WDR87: variants seen among roughly 807,000 people sequenced by gnomAD.
WDR87 encodes WD repeat domain 87.
In WDR87, 56 loss-of-function variants were observed where a neutral mutation model predicts 83.3. The observed-to-expected ratio is 0.67, with a 90% CI of 0.54 to 0.84. WDR87 has a LOEUF of 0.84. Among genes scored for constraint, WDR87 ranks in the 40% least tolerant of loss-of-function variants. The pLI is 0.00. For missense variants in WDR87, 2,939 were observed against 3,431.9 expected (o/e 0.86, Z 3.59); for synonymous variants, 1,173 against 1,250.6 (o/e 0.94, Z 1.31).
intron 5 of WDR87, 126 bp from the exon 6 acceptor site, chr19:37,890,402 T>G: frequency 1.7e-6 from 2 of 1,176,090 alleles, no homozygotes; most frequent in South Asian, 4.9e-5. Flanking sequence ...AACTGAGGCC[T>G]TAAAAAAAAA....
chr19:37,887,594 C>A lies in WDR87; in HGVS notation c.6077G>T (p.Gly2026Val), dbSNP rs1248898816. Residue 2026 changes from glycine (G) to valine (V), a missense_variant, in exon 6 of 6, where the codon GGA becomes GTA. Coordinates refer to ENST00000447313, the MANE Select transcript of WDR87 (RefSeq NM_001291088.2). ...TTGTCTAGAAGTTTCTGGAGTCTCT[C>A]CCTTAGACAGTGTTTCTTTTCCCTC... is the stretch of plus-strand genomic sequence containing the variant. ...LVEGKETLSK[G>V]ETPETSRQRK... 1.7e-5 allele frequency: 26 copies of A among 1,551,838 alleles called. No individual in the cohort carries two copies. The highest frequency in any genetic ancestry group is 2.2e-5 in the Non-Finnish European group (25 of 1,147,058).
intron 1 of WDR87, among the ~76,000 whole-genome samples, chr19:37,905,959 A>G (rs566463802): frequency 6.6e-6 from 1 of 152,142 alleles, no homozygotes; most frequent in East Asian, 1.9e-4. Flanking sequence ...TAATCACCCA[A>G]CCTGACATGG....
intron 3 of WDR87, 129 bp from the exon 4 acceptor site, chr19:37,895,585 T>C: frequency 1.3e-6 from 1 of 761,014 alleles, no homozygotes; most frequent in Non-Finnish European, 2.1e-6. Flanking sequence ...CTGGCCAACA[T>C]GGTGAAACCC....
rs1404693881 is a variant in WDR87 at position 37,892,852 on chromosome 19, A to T, written c.2851T>A (p.Tyr951Asn). ...VGALGQIFASYQVSPALRSET... is the reference protein window; with the variant it reads ...VGALGQIFASNQVSPALRSET... ...GAGCGTAGGGCTGGGGACACCTGGT[A>T]AGAGGCAAAGATTTGCCCTAGTGCA... Residue 951 changes from tyrosine (Y) to asparagine (N), a missense_variant, in exon 4 of 6, where the codon TAC (tyrosine) becomes AAC (asparagine). Physicochemically the swap from Tyr to Asn is moderately radical, Grantham distance 143. Transcript: ENST00000447313. 6.4e-7 allele frequency: 1 copy of T among 1,551,766 alleles called. No homozygotes were observed. Among genetic ancestry groups the T allele is most frequent in the Non-Finnish European group, 8.7e-7 (1 of 1,147,044 alleles).
Position 37,894,041 on chromosome 19 carries a change from A to G in WDR87, c.1662T>C (p.Ile554=), listed in dbSNP as rs1186929778. The G allele has an allele frequency of 1.3e-6, 2 of 1,551,848 alleles. No homozygotes were observed. The highest frequency in any genetic ancestry group is 3.9e-5 in the Admixed American group (2 of 50,984). The change falls in exon 4 of 6, where the codon ATT becomes ATC. Residue 554 remains isoleucine (I), a synonymous_variant. Coordinates refer to ENST00000447313, the MANE Select transcript of WDR87 (RefSeq NM_001291088.2). ...VKVQLRPLAS[I]LSSCHLTHLI... is the part of the protein sequence containing the mutation. ...GATGTGTTAGGTGACAGCTGCTGAG[A>G]ATGCTGGCGAGAGGCCGCAGTTGTA...
intron 5 of WDR87, among the ~76,000 whole-genome samples, 180 bp downstream of exon 5, chr19:37,891,372 C>T (rs892255542): frequency 1.3e-5 from 2 of 152,040 alleles, no homozygotes; most frequent in Non-Finnish European, 2.9e-5. Context: ...CCATGTTGGC[C>T]GGGCTGGTCT....
rs2046245770 is a variant in WDR87, at chr19:37,895,347, T to G, written c.356A>C (p.His119Pro). The change falls in exon 4 of 6, where the codon CAT (histidine) becomes CCT (proline). Residue 119 changes from histidine to proline, a missense_variant. His to Pro is a moderately conservative substitution (Grantham distance 77). Transcript: ENST00000447313. ...GTCACCACAGTAGACCACGAGGATA[T>G]GAAAGGAGCCTGCATGGACCATGGA... Reference protein sequence around the residue: ...IQSMVHAGSFHILVVYCGDLI... With the variant: ...IQSMVHAGSFPILVVYCGDLI... 6.4e-7 allele frequency: 1 copy of G among 1,551,646 alleles called. No homozygotes were observed. The highest frequency in any genetic ancestry group is 1.4e-5 in the African/African-American group (1 of 73,136).
chr19:37,894,895 G>A lies in WDR87; in HGVS notation c.808C>T (p.Leu270Phe). 7 of 1,551,736 alleles carry A rather than the reference G, an allele frequency of 4.5e-6. No homozygotes were observed. Among genetic ancestry groups the A allele is most frequent in the South Asian group, 1.2e-5 (1 of 84,066 alleles). Reference sequence around the variant, plus strand: ...CTGTGGAGTGGATGGCCCTGCTGGAGGCTCCAAACTTGGATTTCCCCAGCT... The same window carrying A: ...CTGTGGAGTGGATGGCCCTGCTGGAAGCTCCAAACTTGGATTTCCCCAGCT... ...NQAGEIQVWSLQQGHPLHSFQ... is the reference protein window; with the variant it reads ...NQAGEIQVWSFQQGHPLHSFQ... Residue 270 changes from leucine (L) to phenylalanine (F), a missense_variant, in exon 4 of 6, where the codon CTC becomes TTC. Physicochemically the swap from Leu to Phe is conservative, Grantham distance 22. This residue lies in a region of WDR87 where 553 missense variants were observed against 577.9 expected (regional missense o/e 0.96). Coordinates refer to ENST00000447313, the MANE Select transcript of WDR87 (RefSeq NM_001291088.2).
chr19:37,892,501 A>T (rs2046214400), intron 4 of WDR87, 77 bp downstream of exon 4: 5 of 1,277,392 alleles, frequency 3.9e-6, no homozygotes, highest in Non-Finnish European at 5.3e-6. Flanking sequence ...ATTAATGAAC[A>T]GGGATGAAGA....
rs115178885 is a variant in WDR87 at position 37,885,828 on chromosome 19, G to A, written c.7843C>T (p.Arg2615Cys). The A allele has an allele frequency of 7.2e-4, 1,117 of 1,551,844 alleles. 5 individuals are homozygous for A. The African/African-American group carries it at 0.013, about 19-fold the overall frequency. Residue 2615 changes from arginine (R) to cysteine (C), a missense_variant, in exon 6 of 6, where the codon CGT becomes TGT. Arg to Cys is a radical substitution (Grantham distance 180). Around this residue, in one of 3 missense-constraint regions of WDR87, gnomAD observed 2,160 missense variants for 2,533.1 expected, o/e 0.85. Coordinates refer to ENST00000447313, the MANE Select transcript of WDR87 (RefSeq NM_001291088.2). ...HLAKHEAIVY[R>C]HRQALESQDT... ...TGTGACTCCAGGGCCTGTCTGTGACGGTACACAATGGCTTCATGTTTGGCC... is the reference window on the plus strand; with the variant it reads ...TGTGACTCCAGGGCCTGTCTGTGACAGTACACAATGGCTTCATGTTTGGCC...
chr19:37,888,497 A>T lies in WDR87; in HGVS notation c.5174T>A (p.Leu1725Gln), dbSNP rs1168023035. The change falls in exon 6 of 6, where the codon CTG becomes CAG. Residue 1725 changes from leucine (L) to glutamine (Q), a missense_variant. By Grantham distance (113) the Leu-to-Gln change is moderately radical. Around this residue, in one of 3 missense-constraint regions of WDR87, gnomAD observed 2,160 missense variants for 2,533.1 expected, o/e 0.85. Coordinates refer to ENST00000447313, the MANE Select transcript of WDR87 (RefSeq NM_001291088.2). ...GGCCAATATGTTTTTCACCTCAGCC[A>T]GTTTCCCTCCTTTCTTTGCTAGTTT... is the stretch of plus-strand genomic sequence containing the variant. ...EEKLAKKGGKLAEVKNILAQK... is the reference protein window; with the variant it reads ...EEKLAKKGGKQAEVKNILAQK... 1 of 1,551,484 alleles carries T rather than the reference A, an allele frequency of 6.4e-7. No homozygotes were observed. The highest frequency in any genetic ancestry group is 1.2e-5 in the South Asian group (1 of 84,022).
At position 37,889,613 on chromosome 19, in the gene WDR87, T is replaced by C. The variant is rs763826356; in HGVS notation, c.4058A>G (p.Lys1353Arg). Reference protein sequence around the residue: ...DLDWDVVPPEKKPIFIQEGAI... With the variant: ...DLDWDVVPPERKPIFIQEGAI... ...TCCTTCCTGGATAAAAATTGGTTTC[T>C]TCTCTGGCGGGACTACATCCCAATC... is the stretch of plus-strand genomic sequence containing the variant. The change falls in exon 6 of 6, where the codon AAG becomes AGG. Residue 1353 changes from lysine to arginine, a missense_variant. Lys to Arg is a conservative substitution (Grantham distance 26). Around this residue, in one of 3 missense-constraint regions of WDR87, gnomAD observed 2,160 missense variants for 2,533.1 expected, o/e 0.85. Transcript: ENST00000447313. The C allele has an allele frequency of 1.2e-5, 18 of 1,551,748 alleles. No individual in the cohort carries two copies. The African/African-American group carries it at 2.3e-4, about 20-fold the overall frequency.
intron 1 of WDR87, among the ~76,000 whole-genome samples, chr19:37,898,976 T>C (rs1173349389): frequency 6.6e-6 from 1 of 152,194 alleles, no homozygotes; most frequent in Admixed American, 6.5e-5. Flanking sequence ...ACCTACTCAA[T>C]TGGAAATTCT....
Position 37,887,796 on chromosome 19 carries a change from C to G in WDR87, c.5875G>C (p.Glu1959Gln), listed in dbSNP as rs1472385840. The G allele has an allele frequency of 1.9e-6, 3 of 1,551,218 alleles. No homozygotes were observed. The highest frequency in any genetic ancestry group is 2.4e-5 in the East Asian group (1 of 40,886). The change falls in exon 6 of 6, where the codon GAG (glutamate) becomes CAG (glutamine). Residue 1959 changes from glutamate to glutamine, a missense_variant. This residue lies in a region of WDR87 where 2,160 missense variants were observed against 2,533.1 expected (regional missense o/e 0.85). Transcript: ENST00000447313. The stretch of plus-strand genomic sequence containing the variant: ...TCCTGTTTTTTGGCCAAACTATCCT[C>G]TACTTGGACCAATTTTTTCTCTGTT... ...AETEKKLVQV[E>Q]DSLAKKQEKL...
Position 37,893,456 on chromosome 19 carries a change from C to T in WDR87, c.2247G>A (p.Val749=). The part of the protein sequence containing the change: ...AIAFDHSVPH[V]IEEDEEGSPV... ...GGCTCCCTTCCTCATCTTCTTCTAT[C>T]ACATGTGGCACAGAATGGTCAAAGG... Residue 749 remains valine (V), a synonymous_variant, in exon 4 of 6, where the codon GTG becomes GTA. Transcript: ENST00000447313. 1 of 1,552,032 alleles carries T rather than the reference C, an allele frequency of 6.4e-7. No individual in the cohort carries two copies. The highest frequency in any genetic ancestry group is 1.2e-5 in the South Asian group (1 of 84,064).
chr19:37,887,004 T>A lies in WDR87; in HGVS notation c.6667A>T (p.Ile2223Leu), dbSNP rs773845393. The stretch of plus-strand genomic sequence containing the variant: ...AATGGGATTACCTCTTCTTCTTCTA[T>A]TCCTCCTTCCTCTTCATCATCCAGT... ...VILDDEEEGG[I>L]EEEEVIPFLK... Residue 2223 changes from isoleucine (I) to leucine (L), a missense_variant, in exon 6 of 6, where the codon ATA becomes TTA. Transcript: ENST00000447313. 1.5e-5 allele frequency: 23 copies of A among 1,552,012 alleles called. No individual in the cohort carries two copies. Among genetic ancestry groups the A allele is most frequent in the Non-Finnish European group, 1.7e-5 (19 of 1,147,110 alleles).
Position 37,886,366 on chromosome 19 carries a change from T to G in WDR87, c.7305A>C (p.Thr2435=), listed in dbSNP as rs772389995. ...LKSPLKKLMS[T]ALEMKEKTPV... is the part of the protein sequence containing the mutation. ...GTGTTTTCTCTTTCATCTCCAGAGC[T>G]GTTGACATCAGTTTCTTCAAAGGGC... Residue 2435 remains threonine (T), a synonymous_variant, in exon 6 of 6, where the codon ACA becomes ACC. Coordinates refer to ENST00000447313, the MANE Select transcript of WDR87 (RefSeq NM_001291088.2). 1.0e-5 allele frequency: 16 copies of G among 1,548,966 alleles called. No individual in the cohort carries two copies. The highest frequency in any genetic ancestry group is 1.3e-5 in the Non-Finnish European group (15 of 1,146,410).
chr19:37,886,205 A>T lies in WDR87; in HGVS notation c.7466T>A (p.Val2489Asp), dbSNP rs1261421118. 1 of 1,551,688 alleles carries T rather than the reference A, an allele frequency of 6.4e-7. No individual in the cohort carries two copies. The highest frequency in any genetic ancestry group is 1.2e-5 in the South Asian group (1 of 84,040). Residue 2489 changes from valine (V) to aspartate (D), a missense_variant, in exon 6 of 6, where the codon GTT (valine) becomes GAT (aspartate). By Grantham distance (152) the Val-to-Asp change is radical. Transcript: ENST00000447313. ...TTGGGACTCCAAAACTGTACCCAAA[A>T]CATGTGGAGGTATGGGTTCATATTT... Reference protein sequence around the residue: ...MGKYEPIPPHVLGTVLESQAQ... With the variant: ...MGKYEPIPPHDLGTVLESQAQ...
At chr19:37,895,810 T>C (rs1350890426) in intron 3 of WDR87, among the ~76,000 whole-genome samples, 2 of 147,170 alleles carry the variant, frequency 1.4e-5, no homozygotes, top group East Asian at 2.0e-4. Context: ...CTAGAGCTGA[T>C]GGTAGGGCAG....
Sources: gnomAD v4.1 joint callset for allele counts (sites outside exome capture counted in the v4.1 genomes callset) on GRCh38, gnomAD v4.1.1 for gene constraint, gnomAD v4.1.1 regional missense constraint, MANE v1.5 for transcripts, NCBI Gene and HGNC (gene_info 2026-07-23, HGNC 2026-07-21) for gene names.